The following PTDSS2 variants were observed in gnomAD, a reference collection of about 807,000 sequenced individuals.
PTDSS2 encodes phosphatidylserine synthase 2.
PTDSS2 carries 41 observed loss-of-function variants against 64.7 expected under a neutral mutation model. The ratio of observed to expected loss-of-function variants is 0.63; its 90% CI spans 0.49 to 0.82. The LOEUF (loss-of-function observed/expected upper bound fraction) is 0.82, where lower values mean the gene tolerates loss of function less well. Ranked by LOEUF, PTDSS2 falls within the 40% of genes least tolerant of loss-of-function variation. The pLI is 0.00. For synonymous variants in PTDSS2, 297 were observed against 277.8 expected (o/e 1.07, Z -0.69); for missense variants, 485 against 650.0 (o/e 0.75, Z 2.76).
At chr11:481,707 G>A (rs1360229131) in intron 4 of PTDSS2, among the ~76,000 whole-genome samples, 4 of 152,152 alleles carry the variant, frequency 2.6e-5, no homozygotes, top group Non-Finnish European at 4.4e-5. Flanking sequence ...TCCTGCAACC[G>A]TGCTGAACTG....
rs192072469 is a variant in PTDSS2, at chr11:468,636, C to T, written c.285-5259C>T. Among the ~76,000 whole-genome samples the T allele has an allele frequency of 2.4e-3, 358 of 152,298 alleles. 1 individual carries two copies. The highest frequency in any genetic ancestry group is 4.3e-3 in the Non-Finnish European group (291 of 68,014). ...GGAATGGCACAGACGCTGCTCTAGT[C>T]GATAAAGTTTTGCTGCACAGAGGTG... On this transcript the variant is annotated intron_variant, in intron 2 of 11. Coordinates refer to ENST00000308020, the MANE Select transcript of PTDSS2 (RefSeq NM_030783.3).
At chr11:485,024 C>A (rs534244099) in intron 4 of PTDSS2, among the ~76,000 whole-genome samples, 1 of 135,884 alleles carries the variant, frequency 7.4e-6, no homozygotes. Flanking sequence ...AAACAGTGCA[C>A]GGGCGCGTGT....
intron 2 of PTDSS2, among the ~76,000 whole-genome samples, chr11:464,465 C>T (rs1037038118): frequency 1.2e-4 from 18 of 151,992 alleles, no homozygotes; most frequent in South Asian, 2.1e-4. Flanking sequence ...TCGGGCAGTG[C>T]GGAGGCATCT....
At chr11:475,169 G>GT (rs1847705732) in intron 3 of PTDSS2, among the ~76,000 whole-genome samples, 1 of 145,126 alleles carries the variant, frequency 6.9e-6, no homozygotes, top group African/African-American at 2.5e-5. Flanking sequence ...ACGCGTTTGT[G>GT]ATACGGACAT....
At chr11:456,804 G>A (rs570560441) in intron 1 of PTDSS2, among the ~76,000 whole-genome samples, 16 of 152,348 alleles carry the variant, frequency 1.1e-4, no homozygotes, top group Admixed American at 3.9e-4. Context: ...AGGGCCCCAC[G>A]GTGTGGAGCT....
At chr11:485,724 C>T (rs1293827972) in intron 4 of PTDSS2, among the ~76,000 whole-genome samples, 2 of 132,360 alleles carry the variant, frequency 1.5e-5, no homozygotes, top group African/African-American at 5.7e-5. Flanking sequence ...GTAAACTGCA[C>T]GGGCGCGTGT....
At chr11:485,451 A>AGTGTAAACAGTGCACGGGT (rs1848306349) in intron 4 of PTDSS2, among the ~76,000 whole-genome samples, 1 of 136,788 alleles carries the variant, frequency 7.3e-6, no homozygotes, top group Non-Finnish European at 1.6e-5. Flanking sequence ...TGCGCAGGCG[A>AGTGTAAACAGTGCACGGGT]GTGTAAACAG....
rs1217137476 is a variant in PTDSS2 at position 460,320 on chromosome 11, C to G, written c.284+32C>G. Reference sequence around the variant, plus strand: ...TGCCCTCTTGTCCTGCCTTCTGAAACTGCCCTGTGCCCCGTGTGGTGGGTG... The same window carrying G: ...TGCCCTCTTGTCCTGCCTTCTGAAAGTGCCCTGTGCCCCGTGTGGTGGGTG... On this transcript the variant is annotated intron_variant, in intron 2 of 11. Transcript: ENST00000308020. This position sits in a 1 kb window ranked among gnomAD's most constrained non-coding sequence, Gnocchi z 5.8. The G allele has an allele frequency of 6.4e-7, 1 of 1,567,300 alleles. No individual in the cohort carries two copies. Among genetic ancestry groups the G allele is most frequent in the Admixed American group, 1.7e-5 (1 of 59,654 alleles).
Position 460,121 on chromosome 11 carries a change from G to C in PTDSS2, c.183-66G>C. The stretch of plus-strand genomic sequence containing the variant: ...TTGACGTAGAGAGGATTTGGGGCCT[G>C]TTACGTGAGTATTTAGCAATGCTGC... On this transcript the variant is annotated intron_variant, in intron 1 of 11. Transcript: ENST00000308020. This position sits in a 1 kb window ranked among gnomAD's most constrained non-coding sequence, Gnocchi z 5.8. 7.7e-7 allele frequency: 1 copy of C among 1,303,170 alleles called. No homozygotes were observed. The highest frequency in any genetic ancestry group is 1.5e-5 in the African/African-American group (1 of 68,606). 80.7% of individuals were successfully genotyped at this position (1,303,170 alleles called of 1,614,324 possible). A position where few individuals can be genotyped will look rare whatever the true frequency, so the allele number is the denominator to read the frequency against.
intron 8 of PTDSS2, 26 bp from the exon 9 acceptor site, chr11:489,374 C>T (rs1367421938): frequency 1.9e-6 from 3 of 1,595,620 alleles, no homozygotes; most frequent in East Asian, 2.2e-5. Context: ...CTGCCTTCCT[C>T]AGGCTGCCGG....
At chr11:449,308 T>C (rs970256784), upstream of PTDSS2, among the ~76,000 whole-genome samples, 1 of 152,196 alleles carries the variant, frequency 6.6e-6, no homozygotes, top group Non-Finnish European at 1.5e-5. Context: ...CCTCAAGTCA[T>C]CCGCCCGCCT....
intron 2 of PTDSS2, 127 bp from the exon 3 acceptor site, chr11:473,768 G>T: frequency 1.3e-6 from 1 of 763,544 alleles, no homozygotes; most frequent in South Asian, 1.5e-5. Context: ...TCTGCCCGAG[G>T]CCCCTTCCTC....
chr11:471,681 G>GGTC (rs1847446209), intron 2 of PTDSS2, among the ~76,000 whole-genome samples: 2 of 151,900 alleles, frequency 1.3e-5, no homozygotes, highest in East Asian at 3.9e-4. Context: ...GGCCTGGGGT[G>GGTC]ACGCGCGCCT....
chr11:459,382 T>A (rs867422209), intron 1 of PTDSS2: 1 of 149,460 alleles, frequency 6.7e-6, no homozygotes, highest in Non-Finnish European at 1.5e-5. Flanking sequence ...GAGGACACAC[T>A]CTGGTGGATG....
chr11:455,553 G>A lies in PTDSS2; in HGVS notation c.183-4634G>A, dbSNP rs189537537. ...ACCTCGTCAGGAAGCCCCAGGATGAGACTGTCCCTGGCTCCTCCAAAGGTC... is the reference window on the plus strand; with the variant it reads ...ACCTCGTCAGGAAGCCCCAGGATGAAACTGTCCCTGGCTCCTCCAAAGGTC... On this transcript the variant is annotated intron_variant, in intron 1 of 11. Transcript: ENST00000308020. Among the ~76,000 whole-genome samples, 293 of 152,348 alleles carry A rather than the reference G, an allele frequency of 1.9e-3. 1 individual carries two copies. The highest frequency in any genetic ancestry group is 6.9e-3 in the African/African-American group (286 of 41,586).
intron 4 of PTDSS2, among the ~76,000 whole-genome samples, chr11:484,751 G>C (rs896874532): frequency 5.4e-5 from 8 of 147,818 alleles, no homozygotes; most frequent in African/African-American, 1.8e-4. Context: ...GTGTGCGCAG[G>C]CGAGTGTAAG....
chr11:471,314 C>G (rs1016181826), intron 2 of PTDSS2, among the ~76,000 whole-genome samples: 1 of 152,178 alleles, frequency 6.6e-6, no homozygotes, highest in South Asian at 2.1e-4. Flanking sequence ...AGGCTGGTCT[C>G]GAACTCCTGA....
intron 1 of PTDSS2, chr11:451,521 C>A: frequency 3.1e-6 from 1 of 326,190 alleles, no homozygotes. Context: ...TGTGGAAGGC[C>A]CGGGGGCACA....
intron 2 of PTDSS2, among the ~76,000 whole-genome samples, chr11:469,812 A>G (rs1040121062): frequency 6.6e-6 from 1 of 152,000 alleles, no homozygotes; most frequent in African/African-American, 2.4e-5. Flanking sequence ...GGGGCAGGAA[A>G]TGCCCAGGAT....
Sources: allele counts gnomAD v4.1 joint callset (sites outside exome capture counted in the v4.1 genomes callset), GRCh38; gene constraint gnomAD v4.1.1; non-coding constraint Gnocchi (gnomAD v3.1); transcripts MANE v1.5; gene names NCBI Gene and HGNC (gene_info 2026-07-23, HGNC 2026-07-21).